The following DRC7 variants were observed in gnomAD, a reference collection of about 807,000 sequenced individuals.
DRC7 encodes dynein regulatory complex subunit 7, also known as coiled-coil domain containing 135.
Under a neutral mutation model 104.4 loss-of-function variants are expected in DRC7, and 80 were observed. The observed-to-expected ratio is 0.77, with a 90% CI of 0.64 to 0.92. The LOEUF (loss-of-function observed/expected upper bound fraction) is 0.92. Ranked by LOEUF, DRC7 falls within the 40% of genes least tolerant of loss-of-function variation. The pLI is 0.00. For missense variants in DRC7, 1,034 were observed against 1,141.1 expected, an observed-to-expected ratio of 0.91 and a Z score of 1.35; for synonymous variants, 405 against 447.3, an observed-to-expected ratio of 0.91 and a Z score of 1.19.
chr16:57,712,401 GC>G (rs1396897853), intron 8 of DRC7, among the ~76,000 whole-genome samples: 1 of 152,072 alleles, frequency 6.6e-6, no homozygotes, highest in African/African-American at 2.4e-5. Flanking sequence ...TGTTGCCTTG[GC>G]CCCGTTTTAG....
intron 12 of DRC7, 29 bp from the exon 13 acceptor site, chr16:57,724,586 T>A (rs773473455): frequency 8.5e-6 from 13 of 1,535,206 alleles, no homozygotes; most frequent in Non-Finnish European, 1.2e-5. Flanking sequence ...TATGAAGCTG[T>A]CTCCTCCCAA....
rs1477823218 is a variant in DRC7 at position 57,724,696 on chromosome 16, A to C, written c.1619A>C (p.Lys540Thr). 2 of 1,613,918 alleles carry C rather than the reference A, an allele frequency of 1.2e-6. No homozygotes were observed. Among genetic ancestry groups the C allele is most frequent in the Admixed American group, 3.3e-5 (2 of 60,014 alleles). Residue 540 changes from lysine to threonine, a missense_variant, in exon 13 of 19, where the codon AAG (lysine) becomes ACG (threonine). Transcript: ENST00000360716. ...ACGGCCCGTGTGGATGGCCTGATGA[A>C]GCGGGAGGAGACACCCAGGACAATG... ...YETARVDGLMKREETPRTMTE... is the reference protein window; with the variant it reads ...YETARVDGLMTREETPRTMTE...
intron 6 of DRC7, among the ~76,000 whole-genome samples, chr16:57,704,120 T>C (rs75377308): frequency 0.013 from 1,921 of 152,234 alleles, 37 homozygotes; most frequent in African/African-American, 0.044. Context: ...CCATTGTGCT[T>C]GTTGCTCCCC....
chr16:57,698,212 C>A, intron 3 of DRC7, 60 bp downstream of exon 3: 2 of 1,608,008 alleles, frequency 1.2e-6, no homozygotes, highest in Non-Finnish European at 1.7e-6. Flanking sequence ...ACAGGGAGAC[C>A]CAGGCAGAGT....
intron 14 of DRC7, 166 bp downstream of exon 14, chr16:57,726,449 C>T (rs1291898935): frequency 7.9e-6 from 5 of 632,158 alleles, no homozygotes. Context: ...GGGGACCCTT[C>T]TCTTTGAGCT....
intron 5 of DRC7, 118 bp from the exon 6 acceptor site, chr16:57,701,818 G>C: frequency 1.2e-6 from 1 of 839,130 alleles, no homozygotes; most frequent in Non-Finnish European, 1.9e-6. Flanking sequence ...CCCAAAGCAG[G>C]TCCAGCCTGT....
intron 9 of DRC7, among the ~76,000 whole-genome samples, chr16:57,719,340 T>C (rs1460755055): frequency 1.3e-5 from 2 of 152,184 alleles, no homozygotes; most frequent in Non-Finnish European, 2.9e-5. Context: ...GAAATTAATT[T>C]TCTTACAGTT....
chr16:57,718,729 C>T (rs1290959064), intron 9 of DRC7, among the ~76,000 whole-genome samples: 1 of 152,164 alleles, frequency 6.6e-6, no homozygotes, highest in Non-Finnish European at 1.5e-5. Context: ...AGGTCTTCTG[C>T]CCCCCATATC....
At chr16:57,701,693 T>C (rs2048659573) in intron 5 of DRC7, 4 of 507,898 alleles carry the variant, frequency 7.9e-6, no homozygotes, top group Middle Eastern at 5.2e-4. Flanking sequence ...GTCCAGAAGG[T>C]TTCCCCCTAT....
At chr16:57,726,589 AG>A in intron 14 of DRC7, 3 of 556,390 alleles carry the variant, frequency 5.4e-6, no homozygotes, top group South Asian at 2.2e-5. Flanking sequence ...ACTACCTCTG[AG>A]GGGCTAGCTT....
At chr16:57,730,331 G>A (rs1323945635) in intron 17 of DRC7, among the ~76,000 whole-genome samples, 6 of 148,056 alleles carry the variant, frequency 4.1e-5, no homozygotes, top group African/African-American at 2.5e-5. Context: ...ATGGATGGGC[G>A]AGTGGATAGA....
intron 6 of DRC7, among the ~76,000 whole-genome samples, chr16:57,704,251 T>C (rs2048688640): frequency 6.6e-6 from 1 of 152,076 alleles, no homozygotes; most frequent in Non-Finnish European, 1.5e-5. Context: ...CTCAGGGAAC[T>C]TGAAACGCTG....
chr16:57,703,022 T>G (rs2048675814), intron 6 of DRC7, among the ~76,000 whole-genome samples: 1 of 151,930 alleles, frequency 6.6e-6, no homozygotes, highest in Admixed American at 6.6e-5. Context: ...TAGCTGAGAC[T>G]ACAGGCGAGT....
At chr16:57,729,990 T>G (rs2049038052) in intron 17 of DRC7, among the ~76,000 whole-genome samples, 2 of 109,386 alleles carry the variant, frequency 1.8e-5, no homozygotes, top group African/African-American at 3.7e-5. Context: ...AGATGGACGG[T>G]TGGATGGGCG....
intron 8 of DRC7, among the ~76,000 whole-genome samples, chr16:57,710,169 C>G (rs531295592): frequency 1.3e-5 from 2 of 152,174 alleles, no homozygotes; most frequent in Non-Finnish European, 2.9e-5. Flanking sequence ...TGGTATCTCT[C>G]TTCAGTTATT....
chr16:57,705,079 G>A (rs2048698140), intron 7 of DRC7, 45 bp downstream of exon 7: 2 of 1,583,944 alleles, frequency 1.3e-6, no homozygotes, highest in Non-Finnish European at 1.7e-6. Flanking sequence ...TATCGAGAAA[G>A]GACTGCTAGG....
chr16:57,697,714 A>G (rs2048610506), intron 2 of DRC7, among the ~76,000 whole-genome samples, 199 bp from the exon 3 acceptor site: 2 of 152,220 alleles, frequency 1.3e-5, no homozygotes, highest in Admixed American at 6.5e-5. Context: ...TGCCAGGATT[A>G]GAAAGGTGTT....
At chr16:57,720,547 G>C in intron 9 of DRC7, among the ~76,000 whole-genome samples, 1 of 152,188 alleles carries the variant, frequency 6.6e-6, no homozygotes, top group East Asian at 1.9e-4. Context: ...TCCAGTCACA[G>C]AGTCCTGGTC....
chr16:57,720,623 C>T (rs1028383349), intron 9 of DRC7, among the ~76,000 whole-genome samples: 1 of 152,130 alleles, frequency 6.6e-6, no homozygotes, highest in African/African-American at 2.4e-5. Flanking sequence ...AGTCAGAACC[C>T]AGTCATGGAC....
Sources: allele counts gnomAD v4.1 joint callset (sites outside exome capture counted in the v4.1 genomes callset), GRCh38; gene constraint gnomAD v4.1.1; transcripts MANE v1.5; gene names NCBI Gene and HGNC (gene_info 2026-07-23, HGNC 2026-07-21).